FREM1: variants seen among roughly 807,000 people sequenced by gnomAD.
The protein encoded by FREM1 is FRAS1 related extracellular matrix 1.
Under a neutral mutation model 210.1 loss-of-function variants are expected in FREM1, and 220 were observed. That is an observed-to-expected ratio of 1.05 (90% CI 0.94 to 1.17). The LOEUF is 1.17. FREM1 is among the 50% of genes most tolerant of loss of function. The probability of loss-of-function intolerance (pLI) is 0.00; values close to 1 mark genes in which losing one functional copy is unlikely to be tolerated. For synonymous variants in FREM1, 1,189 were observed against 980.2 expected (o/e 1.21, Z -3.98); for missense variants, 3,454 against 2,675.5 (o/e 1.29, Z -6.42).
At chr9:14,756,937 A>G (rs929099430) in intron 28 of FREM1, among the ~76,000 whole-genome samples, 6 of 152,162 alleles carry the variant, frequency 3.9e-5, no homozygotes, top group African/African-American at 1.2e-4. Context: ...CCTTTAGACT[A>G]GATTAACTCA....
chr9:14,797,544 A>C lies in FREM1; in HGVS notation c.3793T>G (p.Ser1265Ala), dbSNP rs1852663037. Residue 1265 changes from serine (S) to alanine (A), a missense_variant, in exon 21 of 37, where the codon TCA (serine) becomes GCA (alanine). Ser to Ala is a moderately conservative substitution (Grantham distance 99). Coordinates refer to ENST00000380880, the MANE Select transcript of FREM1 (RefSeq NM_001379081.2). ...TCATTAACTGGGATGACCTCTACTG[A>C]AATGGTTTTAAGTATCTTATGTTTC... is the stretch of plus-strand genomic sequence containing the variant. Reference protein sequence around the residue: ...DGKHKILKTISVEVIPVNDEK... With the variant: ...DGKHKILKTIAVEVIPVNDEK... 1.9e-6 allele frequency: 3 copies of C among 1,612,978 alleles called. No individual in the cohort carries two copies. In the African/African-American group the frequency reaches 4.0e-5, roughly 22 times the overall value.
intron 24 of FREM1, among the ~76,000 whole-genome samples, chr9:14,780,234 C>T (rs959779137): frequency 6.6e-6 from 1 of 151,852 alleles, no homozygotes; most frequent in Admixed American, 6.6e-5. Flanking sequence ...AGAGATGCAG[C>T]CAAGATGACC....
At chr9:14,876,227 A>C (rs1207290414) in intron 1 of FREM1, among the ~76,000 whole-genome samples, 1 of 149,994 alleles carries the variant, frequency 6.7e-6, no homozygotes, top group Admixed American at 6.6e-5. Context: ...AGGGACATTT[A>C]AGTCTGCAGA....
chr9:14,872,061 G>A (rs1384210887), intron 1 of FREM1, among the ~76,000 whole-genome samples: 2 of 152,254 alleles, frequency 1.3e-5, no homozygotes, highest in Non-Finnish European at 2.9e-5. Flanking sequence ...TGCTGTTTTG[G>A]TTACTGTAGC....
intron 6 of FREM1, among the ~76,000 whole-genome samples, chr9:14,850,124 C>T (rs56115805): frequency 0.053 from 8,134 of 152,168 alleles, 282 homozygotes; most frequent in Non-Finnish European, 0.084. Context: ...CAATTTCCAC[C>T]CTGTTTGAAT....
chr9:14,745,501 G>T (rs1432737279), intron 35 of FREM1, among the ~76,000 whole-genome samples: 2 of 152,226 alleles, frequency 1.3e-5, no homozygotes, highest in South Asian at 4.1e-4. Flanking sequence ...GAAGTTGTTT[G>T]TATTTTCTGG....
chr9:14,808,439 C>T lies in FREM1; in HGVS notation c.2894-305G>A, dbSNP rs73644857. On this transcript the variant is annotated intron_variant, in intron 16 of 36. Coordinates refer to ENST00000380880, the MANE Select transcript of FREM1 (RefSeq NM_001379081.2). ...GAATGAGCAAGGGCACAAAGCTTCA[C>T]TAGTGAAGGTTTCATTCTTCCCTTA... Among the ~76,000 whole-genome samples, 460 of 152,298 alleles carry T rather than the reference C, an allele frequency of 3.0e-3. 5 individuals are homozygous for T. The highest frequency in any genetic ancestry group is 0.011 in the African/African-American group (437 of 41,570).
Position 14,797,527 on chromosome 9 carries a change from T to G in FREM1, c.3810A>C (p.Pro1270=), listed in dbSNP as rs769841446. ...ILKTISVEVI[P]VNDEKPMLSK... ...TCAGCATTGGTTTTTCATCATTAAC[T>G]GGGATGACCTCTACTGAAATGGTTT... The change falls in exon 21 of 37, where the codon CCA becomes CCC. Residue 1270 remains proline, a synonymous_variant. Coordinates refer to ENST00000380880, the MANE Select transcript of FREM1 (RefSeq NM_001379081.2). 2.1e-5 allele frequency: 33 copies of G among 1,609,448 alleles called. No individual in the cohort carries two copies. The South Asian group carries it at 3.2e-4, about 16-fold the overall frequency.
chr9:14,737,202 GTATCT>G lies in FREM1; in HGVS notation c.*189_*193del, dbSNP rs1840549290. 5.9e-6 allele frequency: 3 copies of G among 511,932 alleles called. No individual in the cohort carries two copies. The highest frequency in any genetic ancestry group is 6.2e-5 in the East Asian group (2 of 32,302). The allele number at this position is 511,932 out of a possible 1,614,324, so 31.7% of individuals were successfully genotyped here. A position where few individuals can be genotyped will look rare whatever the true frequency, so the allele number is the denominator to read the frequency against. Reference sequence around the variant, plus strand: ...TAAAAGGTATTGAGATACAAAAATTGTATCTTATCTTGTAAAAAATATTTATTTAT... The same window carrying G: ...TAAAAGGTATTGAGATACAAAAATTGTATCTTGTAAAAAATATTTATTTAT... On this transcript the variant is annotated 3_prime_UTR_variant, in exon 37 of 37. Transcript: ENST00000380880.
chr9:14,896,376 T>C (rs1837719754), intron 1 of FREM1, among the ~76,000 whole-genome samples: 1 of 151,844 alleles, frequency 6.6e-6, no homozygotes, highest in Non-Finnish European at 1.5e-5. Context: ...AAACTCCATC[T>C]CTACTAAAAA....
At chr9:14,825,547 G>GTGTGTATA in intron 10 of FREM1, among the ~76,000 whole-genome samples, 23 of 75,920 alleles carry the variant, frequency 3.0e-4, no homozygotes, top group Non-Finnish European at 3.9e-4. Flanking sequence ...GTGTGTGTGT[G>GTGTGTATA]TATATATATA....
In FREM1 at chr9:14,851,538, T is replaced by C. The variant is rs1030582695; in HGVS notation, c.898A>G (p.Met300Val). ...TCCACTTCCAGAATAAACACGGCCATGAATGCAGCCTTTGGAATCTGATTC... is the reference window on the plus strand; with the variant it reads ...TCCACTTCCAGAATAAACACGGCCACGAATGCAGCCTTTGGAATCTGATTC... ...IPNQIPKAAF[M>V]AVFILEVDQF... The change falls in exon 6 of 37, where the codon ATG (methionine) becomes GTG (valine). Residue 300 changes from methionine to valine, a missense_variant. Transcript: ENST00000380880. The C allele has an allele frequency of 1.9e-5, 30 of 1,613,858 alleles. No individual in the cohort carries two copies. The highest frequency in any genetic ancestry group is 1.6e-4 in the Middle Eastern group (1 of 6,084).
At chr9:14,777,368 A>G (rs540908729) in intron 24 of FREM1, among the ~76,000 whole-genome samples, 182 of 150,858 alleles carry the variant, frequency 1.2e-3, no homozygotes, top group African/African-American at 4.2e-3. Context: ...ACAAGGCACA[A>G]TATTAAAACT....
At chr9:14,871,386 T>G (rs1832645621) in intron 1 of FREM1, among the ~76,000 whole-genome samples, 1 of 152,226 alleles carries the variant, frequency 6.6e-6, no homozygotes, top group African/African-American at 2.4e-5. Flanking sequence ...GGTTTTGATT[T>G]GCATTTCTCC....
At chr9:14,817,451 T>C (rs1467041012) in intron 14 of FREM1, among the ~76,000 whole-genome samples, 1 of 152,210 alleles carries the variant, frequency 6.6e-6, no homozygotes, top group Middle Eastern at 3.2e-3. Context: ...ACTTAAAAAA[T>C]ACCTTTCCTT....
chr9:14,892,678 C>T (rs1837045119), intron 1 of FREM1, among the ~76,000 whole-genome samples: 1 of 152,054 alleles, frequency 6.6e-6, no homozygotes, highest in Non-Finnish European at 1.5e-5. Flanking sequence ...AAGTTTCCCC[C>T]TAAAGGGGAA....
At chr9:14,876,470 G>C (rs1042038485) in intron 1 of FREM1, among the ~76,000 whole-genome samples, 4 of 152,192 alleles carry the variant, frequency 2.6e-5, no homozygotes, top group African/African-American at 9.6e-5. Flanking sequence ...GTGGGCGTAG[G>C]ACCCTCTGAG....
chr9:14,848,873 T>C, intron 6 of FREM1, 100 bp from the exon 7 acceptor site: 1 of 598,436 alleles, frequency 1.7e-6, no homozygotes, highest in East Asian at 2.8e-5. Flanking sequence ...TTCAGTTTTC[T>C]GCGGGGATTC....
At position 14,859,362 on chromosome 9, in the gene FREM1, G is replaced by A; in HGVS notation, c.452C>T (p.Ser151Phe). 1.2e-6 allele frequency: 2 copies of A among 1,613,850 alleles called. No homozygotes were observed. The highest frequency in any genetic ancestry group is 1.7e-6 in the Non-Finnish European group (2 of 1,179,802). ...VLEVPEFNGLSQAIDKNLLRF... is the reference protein window; with the variant it reads ...VLEVPEFNGLFQAIDKNLLRF... ...GAGCAGATTTTTATCAATCGCTTGG[G>A]ACAAGCCATTGAATTCAGGCACCTC... The change falls in exon 4 of 37, where the codon TCC becomes TTC. Residue 151 changes from serine (S) to phenylalanine (F), a missense_variant. Transcript: ENST00000380880.
Sources: allele counts gnomAD v4.1 joint callset (sites outside exome capture counted in the v4.1 genomes callset), GRCh38; gene constraint gnomAD v4.1.1; transcripts MANE v1.5; gene names NCBI Gene and HGNC (gene_info 2026-07-23, HGNC 2026-07-21).